Variants in CDK8 observed in about 807,000 individuals in gnomAD.
The protein encoded by CDK8 is cyclin dependent kinase 8.
Under a neutral mutation model 71.5 loss-of-function variants are expected in CDK8, and 29 were observed. The observed-to-expected ratio is 0.41, with a 90% CI of 0.30 to 0.55. CDK8 has a LOEUF of 0.55. Among genes scored for constraint, CDK8 ranks in the 20% least tolerant of loss-of-function variants. The pLI, the probability that CDK8 is intolerant of heterozygous loss-of-function variation, is 0.37. For synonymous variants in CDK8, 161 were observed against 192.1 expected (o/e 0.84, Z 1.34); for missense variants, 288 against 572.6 (o/e 0.50, Z 5.07).
chr13:26,347,424 TA>T (rs1873504832), intron 2 of CDK8, among the ~76,000 whole-genome samples: 2 of 152,206 alleles, frequency 1.3e-5, no homozygotes, highest in Admixed American at 1.3e-4. Context: ...TATTCTTTGA[TA>T]TTTTCTAAAA....
At chr13:26,349,370 CT>C (rs1873593991) in intron 3 of CDK8, among the ~76,000 whole-genome samples, 188 bp downstream of exon 3, 1 of 152,138 alleles carries the variant, frequency 6.6e-6, no homozygotes, top group Non-Finnish European at 1.5e-5. Flanking sequence ...AATATTGTCA[CT>C]TTGATCTTTT....
At chr13:26,388,832 C>T (rs1160595324) in intron 6 of CDK8, among the ~76,000 whole-genome samples, 1 of 152,128 alleles carries the variant, frequency 6.6e-6, no homozygotes, top group Non-Finnish European at 1.5e-5. Flanking sequence ...GGGAGAGAGG[C>T]CTTTCTTCAT....
rs937524175 is a variant in CDK8 at position 26,401,409 on chromosome 13, T to C, written c.1111-57T>C. On this transcript the variant is annotated intron_variant, in intron 11 of 12. Coordinates refer to ENST00000381527, the MANE Select transcript of CDK8 (RefSeq NM_001260.3). The surrounding 1 kb of genome is among the most constrained non-coding windows in gnomAD (Gnocchi z 4.5). ...GTGAATGCCTCCATAACATTTTCCA[T>C]TGTGGGTATATTTTGTTCTCCCTCT... 12 of 1,612,708 alleles carry C rather than the reference T, an allele frequency of 7.4e-6. No individual in the cohort carries two copies. In the Middle Eastern group the frequency reaches 4.9e-4, roughly 66 times the overall value.
chr13:26,293,801 A>G (rs955786639), intron 1 of CDK8, among the ~76,000 whole-genome samples: 6 of 152,072 alleles, frequency 3.9e-5, no homozygotes, highest in African/African-American at 1.2e-4. Flanking sequence ...ACTCACACAT[A>G]TCTACTCTGC....
intron 1 of CDK8, among the ~76,000 whole-genome samples, chr13:26,285,204 T>C (rs7329465): frequency 0.11 from 16,383 of 151,868 alleles, 2,594 homozygotes; most frequent in African/African-American, 0.35. Flanking sequence ...TGCACCCCAG[T>C]CTGGGCAACA....
intron 6 of CDK8, among the ~76,000 whole-genome samples, chr13:26,386,547 T>C (rs1349475723): frequency 6.6e-6 from 1 of 152,208 alleles, no homozygotes; most frequent in Non-Finnish European, 1.5e-5. Context: ...CTTTTCCCTT[T>C]TTTATTCCTC....
Position 26,401,620 on chromosome 13 carries a change from A to G in CDK8, c.1265A>G (p.Tyr422Cys). 1.2e-6 allele frequency: 2 copies of G among 1,613,964 alleles called. No homozygotes were observed. Among genetic ancestry groups the G allele is most frequent in the South Asian group, 1.1e-5 (1 of 91,080 alleles). ...GGTGGACTTATCATGACCTCAGACT[A>G]TCAGGTATTCCAAGTTTATTTTGTA... ...TSGGLIMTSD[Y>C]QRSNPHAAYP... Residue 422 changes from tyrosine (Y) to cysteine (C), a missense_variant, in exon 12 of 13, where the codon TAT (tyrosine) becomes TGT (cysteine). Coordinates refer to ENST00000381527, the MANE Select transcript of CDK8 (RefSeq NM_001260.3). The surrounding 1 kb of genome is among the most constrained non-coding windows in gnomAD (Gnocchi z 4.5).
chr13:26,313,359 A>C (rs1874375915), intron 1 of CDK8, among the ~76,000 whole-genome samples: 1 of 152,190 alleles, frequency 6.6e-6, no homozygotes, highest in Non-Finnish European at 1.5e-5. Context: ...AAGAATTGAT[A>C]ATTTTTTGAC....
intron 1 of CDK8, among the ~76,000 whole-genome samples, chr13:26,259,423 T>C (rs1871671757): frequency 6.6e-6 from 1 of 152,188 alleles, no homozygotes; most frequent in Non-Finnish European, 1.5e-5. Context: ...TTAGGTATTA[T>C]AAGTAATCTA....
chr13:26,336,346 C>T (rs918804997), intron 1 of CDK8, among the ~76,000 whole-genome samples: 12 of 152,176 alleles, frequency 7.9e-5, no homozygotes, highest in African/African-American at 9.6e-5. Flanking sequence ...GATGCTATTC[C>T]GTTGCTCTGG....
intron 1 of CDK8, among the ~76,000 whole-genome samples, chr13:26,273,258 T>C (rs780396714): frequency 5.3e-5 from 8 of 152,218 alleles, no homozygotes; most frequent in Non-Finnish European, 1.2e-4. Flanking sequence ...GTCCTTAAGC[T>C]GGTACTACAC....
intron 4 of CDK8, among the ~76,000 whole-genome samples, chr13:26,379,352 T>C (rs1026633307): frequency 5.9e-5 from 9 of 152,168 alleles, no homozygotes; most frequent in Admixed American, 5.2e-4. Flanking sequence ...TTTTTAATTA[T>C]TAACTGGAGC....
intron 4 of CDK8, among the ~76,000 whole-genome samples, chr13:26,369,403 C>T (rs1285752342): frequency 3.6e-5 from 5 of 137,518 alleles, no homozygotes; most frequent in South Asian, 4.6e-4. Context: ...GAGCCAAGAT[C>T]GCACCACTGC....
In CDK8 at chr13:26,405,160, A is replaced by G. The variant is rs1157696559; in HGVS notation, c.*1079A>G. The stretch of plus-strand genomic sequence containing the variant: ...TCAAACTATTTTACATGAATGACAC[A>G]AGTATTCTGAATAAAAAATAATTGA... On this transcript the variant is annotated 3_prime_UTR_variant, in exon 13 of 13. Coordinates refer to ENST00000381527, the MANE Select transcript of CDK8 (RefSeq NM_001260.3). 1 of 177,382 alleles carries G rather than the reference A, an allele frequency of 5.6e-6. No homozygotes were observed. Among genetic ancestry groups the G allele is most frequent in the East Asian group, 9.6e-5 (1 of 10,404 alleles). The allele number at this position is 177,382 out of a possible 1,614,324, so 11.0% of individuals were successfully genotyped here.
intron 4 of CDK8, among the ~76,000 whole-genome samples, chr13:26,362,813 A>G (rs1432139292): frequency 6.6e-6 from 1 of 152,162 alleles, no homozygotes; most frequent in East Asian, 1.9e-4. Context: ...TCATATGGTC[A>G]TTAATGTTTT....
chr13:26,360,666 A>T (rs1874096353), intron 4 of CDK8, among the ~76,000 whole-genome samples: 1 of 152,170 alleles, frequency 6.6e-6, no homozygotes, highest in Admixed American at 6.5e-5. Flanking sequence ...TGCCTACCAA[A>T]ATACACAATT....
intron 1 of CDK8, among the ~76,000 whole-genome samples, chr13:26,335,344 T>G (rs1382048517): frequency 2.0e-5 from 3 of 152,226 alleles, no homozygotes; most frequent in African/African-American, 7.2e-5. Context: ...TAGACCTCTC[T>G]GCAGATTTTT....
At chr13:26,392,153 T>C (rs1875774422) in intron 6 of CDK8, among the ~76,000 whole-genome samples, 1 of 152,190 alleles carries the variant, frequency 6.6e-6, no homozygotes, top group African/African-American at 2.4e-5. Flanking sequence ...TTTTCAGCTT[T>C]AAATTCTAAA....
chr13:26,374,224 C>T (rs1874840159), intron 4 of CDK8, among the ~76,000 whole-genome samples: 1 of 151,658 alleles, frequency 6.6e-6, no homozygotes, highest in African/African-American at 2.4e-5. Flanking sequence ...TGAATAGATT[C>T]ATGCGATTAT....
Sources: gnomAD v4.1 joint callset for allele counts (sites outside exome capture counted in the v4.1 genomes callset) on GRCh38, gnomAD v4.1.1 for gene constraint, Gnocchi (gnomAD v3.1) non-coding constraint, MANE v1.5 for transcripts, NCBI Gene and HGNC (gene_info 2026-07-23, HGNC 2026-07-21) for gene names.